The following TTC28 variants were observed in gnomAD, a reference collection of about 807,000 sequenced individuals.
TTC28 encodes tetratricopeptide repeat domain 28.
TTC28 carries 61 observed loss-of-function variants against 198.0 expected under a neutral mutation model. The ratio of observed to expected loss-of-function variants is 0.31; its 90% CI spans 0.25 to 0.38. The LOEUF (loss-of-function observed/expected upper bound fraction) is 0.38, where lower values mean the gene tolerates loss of function less well. Ranked by LOEUF, TTC28 falls within the 10% of genes least tolerant of loss-of-function variation. TTC28 has a pLI of 1.00. For synonymous variants in TTC28, 1,171 were observed against 1,297.8 expected (o/e 0.90, Z 2.10); for missense variants, 2,678 against 3,164.0 (o/e 0.85, Z 3.69).
In TTC28 at chr22:28,107,278, T is replaced by A. The variant is rs891646499; in HGVS notation, c.2567A>T (p.Tyr856Phe). 1 of 1,551,744 alleles carries A rather than the reference T, an allele frequency of 6.4e-7. No homozygotes were observed. Among genetic ancestry groups the A allele is most frequent in the Admixed American group, 2.0e-5 (1 of 50,984 alleles). Residue 856 changes from tyrosine to phenylalanine, a missense_variant, in exon 7 of 23, where the codon TAC (tyrosine) becomes TTC (phenylalanine). By Grantham distance (22) the Tyr-to-Phe change is conservative. Around this residue, in one of 8 missense-constraint regions of TTC28, gnomAD observed 775 missense variants for 845.9 expected, o/e 0.92. Coordinates refer to ENST00000397906, the MANE Select transcript of TTC28 (RefSeq NM_001145418.2). The part of the protein sequence containing the change: ...NMNVMEEAIG[Y>F]FEQQLAMLQQ... ...CAGCATGGCCAATTGCTGCTCAAAG[T>A]AGCCAATGGCTTCTTCCATCACATT...
At chr22:28,053,066 A>G (rs1006709477) in intron 12 of TTC28, among the ~76,000 whole-genome samples, 9 of 152,272 alleles carry the variant, frequency 5.9e-5, no homozygotes, top group African/African-American at 2.2e-4. Flanking sequence ...AGAAGCAGGA[A>G]TAAAAGCTGT....
intron 5 of TTC28, among the ~76,000 whole-genome samples, chr22:28,216,214 A>G (rs1291029754): frequency 6.6e-6 from 1 of 152,224 alleles, no homozygotes; most frequent in Admixed American, 6.5e-5. Context: ...AGAGTACACT[A>G]TGAAGACCTG....
intron 1 of TTC28, among the ~76,000 whole-genome samples, chr22:28,640,312 AG>A (rs370134470): frequency 0.06 from 6,328 of 105,418 alleles, 181 homozygotes; most frequent in African/African-American, 0.075. Flanking sequence ...AAAAAAGTAA[AG>A]GGGGGGGGGG....
At chr22:28,169,232 A>T (rs1387542742) in intron 5 of TTC28, among the ~76,000 whole-genome samples, 1 of 152,236 alleles carries the variant, frequency 6.6e-6, no homozygotes, top group Non-Finnish European at 1.5e-5. Context: ...GTGGGACTGT[A>T]AACTAGTTCA....
intron 2 of TTC28, among the ~76,000 whole-genome samples, chr22:28,550,086 T>G (rs1399875965): frequency 6.6e-6 from 1 of 152,142 alleles, no homozygotes; most frequent in Non-Finnish European, 1.5e-5. Context: ...TATCTTCCAG[T>G]GATGAGATGC....
intron 2 of TTC28, among the ~76,000 whole-genome samples, chr22:28,616,579 C>A (rs973253782): frequency 6.6e-6 from 1 of 152,188 alleles, no homozygotes; most frequent in Non-Finnish European, 1.5e-5. Context: ...CAGACAGACA[C>A]AGTGGTTCAT....
At chr22:28,280,996 T>C (rs977140445) in intron 5 of TTC28, among the ~76,000 whole-genome samples, 22 of 152,176 alleles carry the variant, frequency 1.4e-4, no homozygotes, top group Admixed American at 1.4e-3. Flanking sequence ...ATCTAATGTG[T>C]CATTTTTCTC....
intron 12 of TTC28, among the ~76,000 whole-genome samples, chr22:28,060,470 C>T (rs1940479790): frequency 6.6e-6 from 1 of 152,184 alleles, no homozygotes; most frequent in South Asian, 2.1e-4. Context: ...TGTATATGTG[C>T]CACATTTTCT....
At chr22:28,010,116 C>T (rs1378781911) in intron 14 of TTC28, among the ~76,000 whole-genome samples, 2 of 152,184 alleles carry the variant, frequency 1.3e-5, no homozygotes, top group African/African-American at 2.4e-5. Context: ...TGGGCGGGTT[C>T]AGGGGCCCCT....
At chr22:28,499,122 G>A (rs182103480) in intron 2 of TTC28, among the ~76,000 whole-genome samples, 1 of 152,212 alleles carries the variant, frequency 6.6e-6, no homozygotes, top group African/African-American at 2.4e-5. Flanking sequence ...AAGCTGCAGT[G>A]AGCCATGATT....
intron 2 of TTC28, among the ~76,000 whole-genome samples, chr22:28,483,085 G>GT (rs1173883022): frequency 6.6e-6 from 1 of 152,154 alleles, no homozygotes; most frequent in African/African-American, 2.4e-5. Context: ...GAAATTGTAA[G>GT]GTCATATGGT....
At chr22:28,606,436 T>A (rs530293700) in intron 2 of TTC28, among the ~76,000 whole-genome samples, 1 of 152,088 alleles carries the variant, frequency 6.6e-6, no homozygotes, top group African/African-American at 2.4e-5. Flanking sequence ...CTTTAAAAAG[T>A]ATGTAGGGGT....
chr22:28,570,731 A>G lies in TTC28; in HGVS notation c.381+58821T>C, dbSNP rs5997379. ...AAAAACTTTTAATGGTTAAAATGAC[A>G]TATTTTATGTTATGTATATTTTACA... On this transcript the variant is annotated intron_variant, in intron 2 of 22. Transcript: ENST00000397906. Among the ~76,000 whole-genome samples the G allele has an allele frequency of 8.2e-3, 1,245 of 152,358 alleles. 20 individuals carry two copies. Among genetic ancestry groups the G allele is most frequent in the African/African-American group, 0.028 (1,147 of 41,588 alleles).
At chr22:28,579,854 C>T (rs2050209412) in intron 2 of TTC28, among the ~76,000 whole-genome samples, 1 of 151,978 alleles carries the variant, frequency 6.6e-6, no homozygotes, top group African/African-American at 2.4e-5. Context: ...CCTGTAGTCC[C>T]AGCTACTCAG....
chr22:27,983,910 T>G (rs1326140123), intron 22 of TTC28, 59 bp from the exon 23 acceptor site: 1 of 1,482,342 alleles, frequency 6.7e-7, no homozygotes, highest in Non-Finnish European at 9.0e-7. Context: ...TTTTGATTTT[T>G]CTTTCAAAAT....
intron 2 of TTC28, among the ~76,000 whole-genome samples, chr22:28,523,772 G>T (rs1263124816): frequency 6.6e-6 from 1 of 152,126 alleles, no homozygotes; most frequent in Non-Finnish European, 1.5e-5. Context: ...ATCTTTAAAA[G>T]TCAGGTCCTA....
intron 16 of TTC28, chr22:27,997,672 T>A (rs576558508): frequency 1.3e-5 from 2 of 152,314 alleles, no homozygotes; most frequent in South Asian, 2.1e-4. Flanking sequence ...TGCTCTAGAT[T>A]TTTGTAACAC....
chr22:28,266,199 C>T (rs1163689328), intron 5 of TTC28, among the ~76,000 whole-genome samples: 2 of 151,752 alleles, frequency 1.3e-5, no homozygotes, highest in Admixed American at 1.3e-4. Flanking sequence ...AAAAAAGTTC[C>T]TGTTTTTGTG....
rs1937705318 is a variant in TTC28, at chr22:28,001,745, TGGACTGGCAA to T, written c.4219-202_4219-193del. The T allele has an allele frequency of 1.1e-5, 7 of 635,898 alleles. No individual in the cohort carries two copies. In the South Asian group the frequency reaches 1.4e-4, roughly 13 times the overall value. 39.4% of individuals were successfully genotyped at this position (635,898 alleles called of 1,614,324 possible). A position where few individuals can be genotyped will look rare whatever the true frequency, so the allele number is the denominator to read the frequency against. On this transcript the variant is annotated intron_variant, in intron 14 of 22. Coordinates refer to ENST00000397906, the MANE Select transcript of TTC28 (RefSeq NM_001145418.2). ...CGGCACCAACTGGCATGCTCGCTTGTGGACTGGCAAGGGCTGGCCTGGCAGCATCCATCTG... is the reference window on the plus strand; with the variant it reads ...CGGCACCAACTGGCATGCTCGCTTGTGGGCTGGCCTGGCAGCATCCATCTG...
Sources: gnomAD v4.1 joint callset for allele counts (sites outside exome capture counted in the v4.1 genomes callset) on GRCh38, gnomAD v4.1.1 for gene constraint, gnomAD v4.1.1 regional missense constraint, MANE v1.5 for transcripts, NCBI Gene and HGNC (gene_info 2026-07-23, HGNC 2026-07-21) for gene names.